Variants in DIAPH2 observed in about 807,000 individuals in gnomAD.
DIAPH2 encodes the protein protein diaphanous homolog 2.
In DIAPH2, 35 loss-of-function variants were observed where a neutral mutation model predicts 92.7. The observed-to-expected ratio is 0.38, with a 90% confidence interval of 0.29 to 0.50. The LOEUF (loss-of-function observed/expected upper bound fraction) is 0.50, where lower values mean the gene tolerates loss of function less well. Ranked by LOEUF, DIAPH2 falls within the 20% of genes least tolerant of loss-of-function variation. DIAPH2 has a pLI of 0.94. For synonymous variants in DIAPH2, 301 were observed against 280.4 expected (o/e 1.07, Z -0.73); for missense variants, 701 against 819.5 (o/e 0.86, Z 1.77).
At chrX:97,159,691 C>T (rs1342738513) in intron 22 of DIAPH2, among the ~76,000 whole-genome samples, 3 of 111,657 alleles carry the variant, frequency 2.7e-5, no homozygotes, top group Admixed American at 9.6e-5. Flanking sequence ...AAATGAAAAT[C>T]GGTTTCTTTT....
chrX:97,471,549 G>A (rs1049080501), intron 26 of DIAPH2, among the ~76,000 whole-genome samples: 4 of 109,241 alleles, frequency 3.7e-5, no homozygotes, highest in African/African-American at 1.0e-4. Flanking sequence ...AAAATCAGCC[G>A]GGCGTGGTGG....
rs1282417635 is a variant in DIAPH2 at position 96,975,255 on chromosome X, C to T, written c.2050+10048C>T. On this transcript the variant is annotated intron_variant, in intron 17 of 26. Transcript: ENST00000324765. ...GTTTCTTAGTCTAAGAATCAACTGG[C>T]TGCTTCTGAAGACACCCACCCTTGC... Among the ~76,000 whole-genome samples the T allele has an allele frequency of 2.7e-5, 3 of 111,656 alleles. No individual in the cohort carries two copies. The Admixed American group carries it at 2.9e-4, about 11-fold the overall frequency.
At chrX:97,111,512 C>T (rs1445530654) in intron 20 of DIAPH2, among the ~76,000 whole-genome samples, 3 of 112,099 alleles carry the variant, frequency 2.7e-5, no homozygotes, top group Admixed American at 1.9e-4. Context: ...TCATTATTGC[C>T]GGCAGACTTC....
At chrX:97,004,462 T>C (rs1859971248) in intron 17 of DIAPH2, among the ~76,000 whole-genome samples, 1 of 111,870 alleles carries the variant, frequency 8.9e-6, no homozygotes, top group African/African-American at 3.2e-5. Context: ...TAAATTTTTT[T>C]TGGTGTCCTC....
chrX:96,888,209 C>T (rs1376733874), intron 5 of DIAPH2, among the ~76,000 whole-genome samples: 1 of 109,004 alleles, frequency 9.2e-6, no homozygotes, highest in Non-Finnish European at 1.9e-5. Context: ...TACAGGTGCC[C>T]GCCACCATGC....
chrX:97,276,242 G>C (rs889908207), intron 23 of DIAPH2, among the ~76,000 whole-genome samples: 44 of 111,987 alleles, frequency 3.9e-4, no homozygotes, highest in Non-Finnish European at 7.0e-4. Context: ...GTCCAGCTTC[G>C]GCTCGGCATC....
intron 17 of DIAPH2, among the ~76,000 whole-genome samples, chrX:97,028,542 A>G (rs142864326): frequency 5.3e-5 from 6 of 112,206 alleles, no homozygotes; most frequent in African/African-American, 1.9e-4. Flanking sequence ...TTTCATATAA[A>G]TGGAATTACA....
chrX:97,237,477 T>C (rs747844939), intron 22 of DIAPH2, among the ~76,000 whole-genome samples: 3 of 111,682 alleles, frequency 2.7e-5, no homozygotes, highest in Admixed American at 1.9e-4. Context: ...TCGAAAAGAC[T>C]TGACCTATTA....
intron 4 of DIAPH2, among the ~76,000 whole-genome samples, chrX:96,792,568 G>A (rs1023125012): frequency 1.8e-5 from 2 of 112,172 alleles, no homozygotes; most frequent in African/African-American, 6.5e-5. Flanking sequence ...TGTGAAATAT[G>A]TCCCAGAGGG....
intron 17 of DIAPH2, among the ~76,000 whole-genome samples, chrX:96,987,341 G>A (rs1405143021): frequency 9.0e-6 from 1 of 111,309 alleles, no homozygotes; most frequent in Non-Finnish European, 1.9e-5. Flanking sequence ...CATCTTATTT[G>A]CTCATTCAAC....
intron 20 of DIAPH2, among the ~76,000 whole-genome samples, chrX:97,114,018 CA>C (rs1004094140): frequency 6.3e-5 from 7 of 111,178 alleles, no homozygotes; most frequent in Non-Finnish European, 1.3e-4. Flanking sequence ...TAATGTGCAC[CA>C]GTGCTATGAA....
intron 1 of DIAPH2, among the ~76,000 whole-genome samples, chrX:96,725,075 GATCT>G (rs1170304389): frequency 8.9e-6 from 1 of 111,894 alleles, no homozygotes; most frequent in Admixed American, 9.5e-5. Flanking sequence ...AGAAATTTGA[GATCT>G]ATCAGCATAA....
intron 24 of DIAPH2, among the ~76,000 whole-genome samples, chrX:97,365,999 A>C (rs138474529): frequency 2.7e-5 from 3 of 111,695 alleles, no homozygotes; most frequent in Non-Finnish European, 5.6e-5. Flanking sequence ...TGCTCATATC[A>C]TATTGTTAAT....
chrX:97,112,469 G>A (rs769358069), intron 20 of DIAPH2, among the ~76,000 whole-genome samples: 1 of 111,311 alleles, frequency 9.0e-6, no homozygotes, highest in South Asian at 3.8e-4. Context: ...GGAGACAGAG[G>A]TAGAGGCAGA....
chrX:96,837,696 A>G (rs1337156771), intron 4 of DIAPH2, among the ~76,000 whole-genome samples: 1 of 111,387 alleles, frequency 9.0e-6, no homozygotes, highest in African/African-American at 3.3e-5. Context: ...AAAAACGTTT[A>G]TGCCACTTTC....
intron 22 of DIAPH2, among the ~76,000 whole-genome samples, chrX:97,234,280 G>A (rs1368757302): frequency 1.3e-4 from 13 of 99,877 alleles, no homozygotes; most frequent in African/African-American, 4.9e-4. Flanking sequence ...GTGTTGAGCC[G>A]AGATCTCGCC....
intron 4 of DIAPH2, among the ~76,000 whole-genome samples, chrX:96,855,749 A>G (rs2065035619): frequency 9.0e-6 from 1 of 110,805 alleles, no homozygotes; most frequent in South Asian, 3.8e-4. Flanking sequence ...AGGATTAGAT[A>G]AGCAAAGAGA....
At chrX:97,550,915 C>A (rs2147862942) in intron 26 of DIAPH2, among the ~76,000 whole-genome samples, 1 of 111,426 alleles carries the variant, frequency 9.0e-6, no homozygotes, top group Non-Finnish European at 1.9e-5. Context: ...CTGTTTGAGC[C>A]CCTACTCAAG....
At chrX:97,471,944 A>C (rs919319361) in intron 26 of DIAPH2, among the ~76,000 whole-genome samples, 1 of 111,078 alleles carries the variant, frequency 9.0e-6, no homozygotes, top group Non-Finnish European at 1.9e-5. Context: ...TCTGAACACC[A>C]GTTTGTCTAA....
Sources: allele counts gnomAD v4.1 joint callset (sites outside exome capture counted in the v4.1 genomes callset), GRCh38; gene constraint gnomAD v4.1.1; transcripts MANE v1.5; gene names NCBI Gene and HGNC (gene_info 2026-07-23, HGNC 2026-07-21).